CELF1: variants seen among roughly 807,000 people sequenced by gnomAD.
CELF1 encodes the protein CUGBP Elav-like family member 1.
CELF1 carries 10 observed loss-of-function variants against 61.8 expected under a neutral mutation model. The observed-to-expected ratio is 0.16, with a 90% confidence interval of 0.10 to 0.27. CELF1 has a LOEUF of 0.27. CELF1 is among the 10% of genes least tolerant of loss of function. The pLI is 1.00. For missense variants in CELF1, 380 were observed against 639.1 expected, an observed-to-expected ratio of 0.59 and a Z score of 4.37; for synonymous variants, 236 against 225.1, an observed-to-expected ratio of 1.05 and a Z score of -0.43.
At chr11:47,531,234 C>T (rs574563943) in intron 1 of CELF1, among the ~76,000 whole-genome samples, 1 of 151,584 alleles carries the variant, frequency 6.6e-6, no homozygotes, top group African/African-American at 2.4e-5. Flanking sequence ...CACAGCAAGA[C>T]TCCGAATCAA....
At chr11:47,496,905 G>T (rs1030518124) in intron 3 of CELF1, among the ~76,000 whole-genome samples, 1 of 152,222 alleles carries the variant, frequency 6.6e-6, no homozygotes, top group Non-Finnish European at 1.5e-5. Flanking sequence ...TGAATGATCA[G>T]ATCTGTCCTT....
At position 47,474,097 on chromosome 11, in the gene CELF1, C is replaced by T. The variant is rs143582504; in HGVS notation, c.1274-866G>A. On this transcript the variant is annotated intron_variant, in intron 13 of 14. Transcript: ENST00000687097. The stretch of plus-strand genomic sequence containing the variant: ...TATTTTTAGTAGCGATGGGGTTTCA[C>T]CATGTTGGTCAGGCTGGTCTCGAAC... 4.0e-3 allele frequency among the ~76,000 whole-genome samples: 611 copies of T among 152,268 alleles called. 2 individuals are homozygous for T. Among genetic ancestry groups the T allele is most frequent in the Admixed American group, 6.6e-3 (101 of 15,288 alleles).
intron 1 of CELF1, among the ~76,000 whole-genome samples, chr11:47,509,765 G>A (rs535625084): frequency 5.3e-5 from 8 of 152,096 alleles, no homozygotes; most frequent in East Asian, 3.9e-4. Context: ...AGTGGCTCAC[G>A]CCTGTAATCC....
At chr11:47,493,518 A>G (rs998832352) in intron 3 of CELF1, among the ~76,000 whole-genome samples, 18 of 146,038 alleles carry the variant, frequency 1.2e-4, no homozygotes, top group African/African-American at 4.8e-4. Context: ...AAAAAGAAAA[A>G]AAAAAAAAAA....
chr11:47,505,183 TA>T (rs753829731), intron 1 of CELF1, among the ~76,000 whole-genome samples: 25 of 151,440 alleles, frequency 1.7e-4, no homozygotes, highest in South Asian at 6.3e-4. Context: ...TATCTGTCAG[TA>T]ACACTGACCC....
At chr11:47,487,081 G>T in intron 5 of CELF1, 78 bp downstream of exon 5, 1 of 1,161,384 alleles carries the variant, frequency 8.6e-7, no homozygotes, top group Non-Finnish European at 1.3e-6. Flanking sequence ...ATGGTTTTCA[G>T]TGTGTGTCTG....
chr11:47,547,381 A>G (rs908125249), intron 1 of CELF1, among the ~76,000 whole-genome samples: 1 of 152,188 alleles, frequency 6.6e-6, no homozygotes, highest in African/African-American at 2.4e-5. Flanking sequence ...GAACACAGCC[A>G]TAAAAGGAAA....
At chr11:47,485,309 T>G (rs867289615) in intron 6 of CELF1, among the ~76,000 whole-genome samples, 1 of 152,126 alleles carries the variant, frequency 6.6e-6, no homozygotes, top group African/African-American at 2.4e-5. Flanking sequence ...GCTTCCCGAA[T>G]AGCTGGGACC....
At chr11:47,554,816 G>A (rs907135574), upstream of CELF1, among the ~76,000 whole-genome samples, 2 of 151,626 alleles carry the variant, frequency 1.3e-5, no homozygotes, top group Non-Finnish European at 2.9e-5. Flanking sequence ...CGCGTGCCAC[G>A]ATGCCTGACT....
At chr11:47,502,517 T>G (rs2094031888) in intron 1 of CELF1, among the ~76,000 whole-genome samples, 1 of 152,102 alleles carries the variant, frequency 6.6e-6, no homozygotes, top group African/African-American at 2.4e-5. Context: ...TGCGTGTGTG[T>G]GTATGTGTGT....
intron 3 of CELF1, among the ~76,000 whole-genome samples, chr11:47,496,289 C>T (rs1293219831): frequency 6.6e-6 from 1 of 152,174 alleles, no homozygotes; most frequent in African/African-American, 2.4e-5. Flanking sequence ...AACAGAATAG[C>T]TAACAATATG....
At chr11:47,531,504 G>A (rs1280554069) in intron 1 of CELF1, among the ~76,000 whole-genome samples, 2 of 152,128 alleles carry the variant, frequency 1.3e-5, no homozygotes, top group Non-Finnish European at 2.9e-5. Context: ...GGGAGGCAGA[G>A]GTTGCAGTGA....
chr11:47,529,606 C>A (rs756053380), intron 1 of CELF1, among the ~76,000 whole-genome samples: 4 of 151,912 alleles, frequency 2.6e-5, no homozygotes, highest in Non-Finnish European at 1.5e-5. Flanking sequence ...TTGTAGTGAG[C>A]CGAGATCCTG....
Position 47,494,460 on chromosome 11 carries a change from T to C in CELF1, c.71+4993A>G, listed in dbSNP as rs2092660638. The C allele has an allele frequency of 1.3e-5, 13 of 982,714 alleles. No individual in the cohort carries two copies. The South Asian group carries it at 4.7e-4, about 36-fold the overall frequency. 60.9% of individuals were successfully genotyped at this position (982,714 alleles called of 1,614,324 possible). The stretch of plus-strand genomic sequence containing the variant: ...TGAAACATACTATGAGAAAATACAA[T>C]AGGGATACAATTGGGAAGAGACACA... On this transcript the variant is annotated intron_variant, in intron 3 of 14. Coordinates refer to ENST00000687097, the MANE Select transcript of CELF1 (RefSeq NM_001376376.1).
chr11:47,551,568 T>C (rs968242721), intron 1 of CELF1, among the ~76,000 whole-genome samples: 7 of 152,200 alleles, frequency 4.6e-5, no homozygotes, highest in African/African-American at 1.7e-4. Flanking sequence ...TGATTCTATA[T>C]TGAGACGCCT....
At chr11:47,537,912 T>C (rs2096670164) in intron 1 of CELF1, among the ~76,000 whole-genome samples, 1 of 151,740 alleles carries the variant, frequency 6.6e-6, no homozygotes, top group African/African-American at 2.4e-5. Context: ...TTCTTTTTTT[T>C]CTTTTCTTTT....
At position 47,470,286 on chromosome 11, in the gene CELF1, C is replaced by CTTTTTTTTTTTG. The variant is rs2077396929; in HGVS notation, c.*1943_*1944insCAAAAAAAAAAA. ...CGCCTCCCCAACCTAGCATTTTTTT[C>CTTTTTTTTTTTG]TTTTTTTTTTTTGTTTTCTTTTTTC... On this transcript the variant is annotated 3_prime_UTR_variant, in exon 15 of 15. Transcript: ENST00000687097. The CTTTTTTTTTTTG allele has an allele frequency of 6.9e-6, 1 of 145,340 alleles. No individual in the cohort carries two copies. 9.0% of individuals were successfully genotyped at this position (145,340 alleles called of 1,614,324 possible).
chr11:47,557,866 T>C (rs2097210530), upstream of CELF1: 2 of 151,812 alleles, frequency 1.3e-5, no homozygotes, highest in Non-Finnish European at 2.9e-5. Context: ...GAAAACTCTT[T>C]TTTTTTGAGA....
At chr11:47,519,108 C>T (rs2095716014) in intron 1 of CELF1, among the ~76,000 whole-genome samples, 2 of 152,204 alleles carry the variant, frequency 1.3e-5, no homozygotes, top group South Asian at 4.1e-4. Flanking sequence ...CTGCTTCAGC[C>T]AATCAGGGAA....
Sources: gnomAD v4.1 joint callset for allele counts (sites outside exome capture counted in the v4.1 genomes callset) on GRCh38, gnomAD v4.1.1 for gene constraint, MANE v1.5 for transcripts, NCBI Gene and HGNC (gene_info 2026-07-23, HGNC 2026-07-21) for gene names.